ROBO1: variants seen among roughly 807,000 people sequenced by gnomAD.
ROBO1 encodes the protein roundabout homolog 1.
In ROBO1, 149 loss-of-function variants were observed where a neutral mutation model predicts 195.9. The ratio of observed to expected loss-of-function variants is 0.76; its 90% CI spans 0.67 to 0.87. The LOEUF (loss-of-function observed/expected upper bound fraction) is 0.87. Among genes scored for constraint, ROBO1 ranks in the 40% least tolerant of loss-of-function variants. The pLI is 0.00. For synonymous variants in ROBO1, 816 were observed against 733.2 expected (o/e 1.11, Z -1.82); for missense variants, 1,933 against 2,068.3 (o/e 0.93, Z 1.27).
chr3:78,620,306 G>C (rs982005680), intron 26 of ROBO1, among the ~76,000 whole-genome samples: 5 of 151,824 alleles, frequency 3.3e-5, no homozygotes, highest in African/African-American at 1.2e-4. Context: ...GGCATCAGGA[G>C]TTCAAGACCA....
chr3:78,645,512 C>T (rs1706226019), intron 21 of ROBO1, among the ~76,000 whole-genome samples: 1 of 150,912 alleles, frequency 6.6e-6, no homozygotes, highest in Admixed American at 6.6e-5. Context: ...TAACTTATAC[C>T]TTATTTCAGC....
intron 4 of ROBO1, among the ~76,000 whole-genome samples, chr3:78,756,957 T>C (rs1047285220): frequency 1.3e-5 from 2 of 152,156 alleles, no homozygotes; most frequent in African/African-American, 4.8e-5. Flanking sequence ...CAATCCACAA[T>C]CTCAACTCAC....
chr3:79,334,362 A>G (rs2034579459), intron 2 of ROBO1, among the ~76,000 whole-genome samples: 1 of 147,096 alleles, frequency 6.8e-6, no homozygotes, highest in Non-Finnish European at 1.5e-5. Flanking sequence ...GTATATATAT[A>G]TGTATATATA....
chr3:79,612,808 T>G (rs1380784963), intron 1 of ROBO1, among the ~76,000 whole-genome samples: 5 of 578 alleles, frequency 8.7e-3, no homozygotes, highest in East Asian at 0.071. Flanking sequence ...TCATGTGTTT[T>G]TTGGCTGCAT....
At chr3:78,844,384 T>A (rs754898793) in intron 4 of ROBO1, among the ~76,000 whole-genome samples, 41 of 152,088 alleles carry the variant, frequency 2.7e-4, no homozygotes, top group Admixed American at 8.5e-4. Context: ...CTGTTTAATA[T>A]ATTCCCGCAG....
chr3:79,308,087 G>T (rs181522437), intron 2 of ROBO1, among the ~76,000 whole-genome samples: 5 of 152,178 alleles, frequency 3.3e-5, no homozygotes, highest in East Asian at 1.9e-4. Flanking sequence ...TTTATATCAG[G>T]TTACAAGAGC....
chr3:79,634,110 T>C (rs1189386432), intron 1 of ROBO1, among the ~76,000 whole-genome samples: 4 of 152,224 alleles, frequency 2.6e-5, no homozygotes, highest in African/African-American at 4.8e-5. Context: ...AGGCTGTTGC[T>C]AATAATTGTG....
At chr3:78,669,021 G>A (rs1053345423) in intron 11 of ROBO1, among the ~76,000 whole-genome samples, 3 of 151,682 alleles carry the variant, frequency 2.0e-5, no homozygotes, top group Middle Eastern at 6.8e-3. Flanking sequence ...ACAGAAAAAG[G>A]ATAGGCATCA....
intron 4 of ROBO1, among the ~76,000 whole-genome samples, chr3:78,900,093 G>C (rs2037494248): frequency 1.3e-5 from 2 of 151,874 alleles, no homozygotes; most frequent in African/African-American, 2.4e-5. Flanking sequence ...CTGTTTCCCA[G>C]GAAAAACACT....
At chr3:78,609,265 C>G (rs1235397295) in intron 28 of ROBO1, among the ~76,000 whole-genome samples, 1 of 152,276 alleles carries the variant, frequency 6.6e-6, no homozygotes, top group Admixed American at 6.5e-5. Context: ...CTCCGTACCT[C>G]CCCACCTCCA....
At position 79,230,451 on chromosome 3, in the gene ROBO1, T is replaced by C. The variant is rs527811039; in HGVS notation, c.89-104912A>G. ...TCACCCCTTGCAGAGTCCCCTCCCATGTTGACTCCTCTGGGCTTGGTCAAG... is the reference window on the plus strand; with the variant it reads ...TCACCCCTTGCAGAGTCCCCTCCCACGTTGACTCCTCTGGGCTTGGTCAAG... On this transcript the variant is annotated intron_variant, in intron 2 of 30. Coordinates refer to ENST00000464233, the MANE Select transcript of ROBO1 (RefSeq NM_002941.4). Among the ~76,000 whole-genome samples the C allele has an allele frequency of 4.5e-3, 688 of 152,154 alleles. 3 individuals carry two copies. Among genetic ancestry groups the C allele is most frequent in the African/African-American group, 0.016 (662 of 41,516 alleles).
At chr3:78,931,236 C>CTTTTTTT (rs71127369) in intron 4 of ROBO1, among the ~76,000 whole-genome samples, 166 of 79,110 alleles carry the variant, frequency 2.1e-3, no homozygotes, top group Non-Finnish European at 2.9e-3. Context: ...TTCTTTCTTT[C>CTTTTTTT]TTTTTTTTTT....
Position 78,686,810 on chromosome 3 carries a change from A to G in ROBO1, c.1171-893T>C, listed in dbSNP as rs571354976. Among the ~76,000 whole-genome samples the G allele has an allele frequency of 2.0e-5, 3 of 152,218 alleles. 1 individual carries two copies. Among genetic ancestry groups the G allele is most frequent in the South Asian group, 4.1e-4 (2 of 4,828 alleles). On this transcript the variant is annotated intron_variant, in intron 9 of 30. Transcript: ENST00000464233. ...ATAACCTATGCCAAACTTTTAACAC[A>G]TATCTTGTTTCTCTTGTTAATTGGT... is the stretch of plus-strand genomic sequence containing the variant.
intron 4 of ROBO1, among the ~76,000 whole-genome samples, chr3:78,849,467 G>A (rs1288107558): frequency 6.6e-6 from 1 of 152,058 alleles, no homozygotes. Flanking sequence ...CTGAGTGAAA[G>A]TGATTTTACT....
At chr3:79,454,613 A>C (rs1477292828) in intron 2 of ROBO1, among the ~76,000 whole-genome samples, 1 of 152,142 alleles carries the variant, frequency 6.6e-6, no homozygotes, top group Non-Finnish European at 1.5e-5. Flanking sequence ...AATAGTGATG[A>C]GAAACTAAAA....
At chr3:79,612,471 C>A (rs1394728628) in intron 1 of ROBO1, among the ~76,000 whole-genome samples, 7 of 151,778 alleles carry the variant, frequency 4.6e-5, no homozygotes, top group South Asian at 2.1e-4. Flanking sequence ...GCTATTGTGA[C>A]TAATGCTGCA....
intron 2 of ROBO1, among the ~76,000 whole-genome samples, chr3:79,436,789 C>CA (rs1403529366): frequency 6.6e-6 from 1 of 151,902 alleles, no homozygotes; most frequent in Non-Finnish European, 1.5e-5. Context: ...TTCCTCATAT[C>CA]AAAAAAGGCA....
At chr3:78,730,274 T>TCAAAGGAGAAAAAGAAGA (rs1375321039) in intron 5 of ROBO1, among the ~76,000 whole-genome samples, 19 of 64,704 alleles carry the variant, frequency 2.9e-4, no homozygotes, top group South Asian at 1.4e-3. Flanking sequence ...CACTACCAAA[T>TCAAAGGAGAAAAAGAAGA]GCTTGCTAAG....
intron 1 of ROBO1, among the ~76,000 whole-genome samples, chr3:79,654,556 T>G (rs1946104321): frequency 6.6e-6 from 1 of 152,026 alleles, no homozygotes; most frequent in Admixed American, 6.6e-5. Context: ...TGGGAACACA[T>G]GCCAAAACTT....
Sources: allele counts gnomAD v4.1 joint callset (sites outside exome capture counted in the v4.1 genomes callset), GRCh38; gene constraint gnomAD v4.1.1; transcripts MANE v1.5; gene names NCBI Gene and HGNC (gene_info 2026-07-23, HGNC 2026-07-21).